USP48: variants seen among roughly 807,000 people sequenced by gnomAD.
USP48 encodes the protein ubiquitin carboxyl-terminal hydrolase 48.
USP48 carries 43 observed loss-of-function variants against 150.7 expected under a neutral mutation model. The ratio of observed to expected loss-of-function variants is 0.29; its 90% CI spans 0.22 to 0.37. The LOEUF (loss-of-function observed/expected upper bound fraction) is 0.37, where lower values mean the gene tolerates loss of function less well. Among genes scored for constraint, USP48 ranks in the 10% least tolerant of loss-of-function variants. The pLI, the probability that USP48 is intolerant of heterozygous loss-of-function variation, is 1.00. For missense variants in USP48, 813 were observed against 1,249.6 expected (o/e 0.65, Z 5.27); for synonymous variants, 396 against 425.9 (o/e 0.93, Z 0.86).
At chr1:21,765,796 G>T (rs1283295425) in intron 1 of USP48, among the ~76,000 whole-genome samples, 2 of 150,008 alleles carry the variant, frequency 1.3e-5, no homozygotes, top group African/African-American at 4.9e-5. Flanking sequence ...TGAGGTGAGT[G>T]GATCACCTGA....
At chr1:21,717,047 G>C (rs962209926) in intron 14 of USP48, among the ~76,000 whole-genome samples, 2 of 149,704 alleles carry the variant, frequency 1.3e-5, no homozygotes, top group Admixed American at 6.8e-5. Context: ...GGGTTTTCCA[G>C]GTTAAGAACT....
intron 7 of USP48, among the ~76,000 whole-genome samples, 199 bp from the exon 8 acceptor site, chr1:21,747,348 G>A (rs2097796909): frequency 6.6e-6 from 1 of 152,208 alleles, no homozygotes; most frequent in African/African-American, 2.4e-5. Context: ...TGAATGCGAA[G>A]TGCTGATTCC....
At chr1:21,723,755 TA>T in intron 12 of USP48, 142 bp downstream of exon 12, 1 of 735,820 alleles carries the variant, frequency 1.4e-6, no homozygotes, top group Admixed American at 2.8e-5. Context: ...CTACTTTATT[TA>T]GCAAATCCTT....
At chr1:21,767,093 A>G (rs1407123229) in intron 1 of USP48, among the ~76,000 whole-genome samples, 1 of 151,918 alleles carries the variant, frequency 6.6e-6, no homozygotes, top group Non-Finnish European at 1.5e-5. Context: ...ACAACAACAA[A>G]CAAAATCCAT....
intron 9 of USP48, among the ~76,000 whole-genome samples, chr1:21,735,853 A>G (rs890467374): frequency 1.3e-5 from 2 of 148,808 alleles, no homozygotes; most frequent in African/African-American, 5.0e-5. Context: ...TCGCCATTGC[A>G]CTCCAGCCTG....
In USP48 at chr1:21,756,714, C is replaced by G; in HGVS notation, c.256-12G>C. The G allele has an allele frequency of 6.2e-7, 1 of 1,612,160 alleles. No individual in the cohort carries two copies. Among genetic ancestry groups the G allele is most frequent in the Non-Finnish European group, 8.5e-7 (1 of 1,179,328 alleles). ...CCCACAAATGAGTTCTACAAAAATA[C>G]AAAATTCATAATTATAAAACCCATT... On this transcript the variant is annotated splice_polypyrimidine_tract_variant and intron_variant, in intron 2 of 26. Transcript: ENST00000308271.
At position 21,756,661 on chromosome 1, in the gene USP48, A is replaced by G. The variant is rs1193117412; in HGVS notation, c.297T>C (p.Tyr99=). Residue 99 remains tyrosine (Y), a synonymous_variant, in exon 3 of 27, where the codon TAT becomes TAC. Transcript: ENST00000308271. ...ACCACACTTGAAGAAATGTGTTGAC[A>G]TAACAAGTGGCTCCAAGGTTAGTCA... is the stretch of plus-strand genomic sequence containing the variant. The part of the protein sequence containing the change: ...VGLTNLGATC[Y]VNTFLQVWFL... 8 of 1,613,738 alleles carry G rather than the reference A, an allele frequency of 5.0e-6. No individual in the cohort carries two copies. In the Admixed American group the frequency reaches 1.0e-4, roughly 20 times the overall value.
At chr1:21,739,386 T>C (rs917040484) in intron 8 of USP48, among the ~76,000 whole-genome samples, 3 of 151,676 alleles carry the variant, frequency 2.0e-5, no homozygotes, top group Non-Finnish European at 4.4e-5. Flanking sequence ...AAGCATGGTA[T>C]TGAGTGCCTG....
intron 19 of USP48, among the ~76,000 whole-genome samples, chr1:21,705,057 G>T (rs979441483): frequency 2.6e-5 from 4 of 152,060 alleles, no homozygotes; most frequent in African/African-American, 9.7e-5. Flanking sequence ...AGAAAATGTA[G>T]AGAATATATA....
At chr1:21,687,169 C>G in intron 25 of USP48, 22 bp downstream of exon 25, 2 of 1,609,954 alleles carry the variant, frequency 1.2e-6, no homozygotes, top group South Asian at 1.1e-5. Flanking sequence ...TCAGCAGATT[C>G]CTAAAACAAA....
At position 21,751,524 on chromosome 1, in the gene USP48, T is replaced by C. The variant is rs1366940826; in HGVS notation, c.757A>G (p.Ile253Val). 1 of 1,613,702 alleles carries C rather than the reference T, an allele frequency of 6.2e-7. No individual in the cohort carries two copies. The highest frequency in any genetic ancestry group is 1.1e-5 in the South Asian group (1 of 91,076). The change falls in exon 6 of 27, where the codon ATC becomes GTC. Residue 253 changes from isoleucine (I) to valine (V), a missense_variant. By Grantham distance (29) the Ile-to-Val change is conservative. Transcript: ENST00000308271. ...TTGAATACCTTCAAAAATTCCGAGA[T>C]ACAATCTGTTAACTGTTTGTGGCCT... Reference protein sequence around the residue: ...IQGHKQLTDCISEFLKEEKLE... With the variant: ...IQGHKQLTDCVSEFLKEEKLE...
chr1:21,744,355 G>C (rs1162967526), intron 8 of USP48, among the ~76,000 whole-genome samples: 2 of 151,634 alleles, frequency 1.3e-5, no homozygotes, highest in Admixed American at 6.6e-5. Flanking sequence ...CTGAGGCAGA[G>C]AGAATTGCTT....
chr1:21,729,457 A>G (rs2097750711), intron 10 of USP48, among the ~76,000 whole-genome samples: 1 of 152,240 alleles, frequency 6.6e-6, no homozygotes, highest in Non-Finnish European at 1.5e-5. Flanking sequence ...TAAACCGAAC[A>G]AAATAAAACC....
At chr1:21,711,039 G>C (rs2097688774) in intron 15 of USP48, among the ~76,000 whole-genome samples, 1 of 151,936 alleles carries the variant, frequency 6.6e-6, no homozygotes, top group African/African-American at 2.4e-5. Context: ...AAATGCCTCA[G>C]CCTCTTGAAG....
intron 1 of USP48, among the ~76,000 whole-genome samples, chr1:21,776,903 T>C (rs6672207): frequency 0.98 from 148,920 of 151,434 alleles, 73,262 homozygotes; most frequent in Non-Finnish European, 1. Flanking sequence ...GCCGAGTTTG[T>C]GCCGCTGCAC....
chr1:21,724,206 TCAGAA>T, intron 11 of USP48, 111 bp from the exon 12 acceptor site: 1 of 1,069,332 alleles, frequency 9.4e-7, no homozygotes, highest in Non-Finnish European at 1.4e-6. Flanking sequence ...GTTAGCAGAA[TCAGAA>T]GAATCATTGT....
At chr1:21,750,518 T>C (rs2097807949) in intron 6 of USP48, among the ~76,000 whole-genome samples, 1 of 152,150 alleles carries the variant, frequency 6.6e-6, no homozygotes, top group Admixed American at 6.6e-5. Flanking sequence ...CACTACTTTG[T>C]AGGCTCCATA....
chr1:21,694,698 G>A (rs2097620409), intron 23 of USP48, among the ~76,000 whole-genome samples: 1 of 144,210 alleles, frequency 6.9e-6, no homozygotes, highest in African/African-American at 2.6e-5. Flanking sequence ...ATAATAAGCT[G>A]CCTTTTATCT....
intron 11 of USP48, chr1:21,724,441 G>T: frequency 2.3e-6 from 1 of 436,958 alleles, no homozygotes. Flanking sequence ...TACAAGTCAT[G>T]CTCCATTGCT....
Sources: allele counts gnomAD v4.1 joint callset (sites outside exome capture counted in the v4.1 genomes callset), GRCh38; gene constraint gnomAD v4.1.1; transcripts MANE v1.5; gene names NCBI Gene and HGNC (gene_info 2026-07-23, HGNC 2026-07-21).